The following SLC35F3 variants were observed in gnomAD, a reference collection of about 807,000 sequenced individuals.
SLC35F3 encodes the protein solute carrier family 35 member F3, also known as putative thiamine transporter SLC35F3.
Under a neutral mutation model 49.9 loss-of-function variants are expected in SLC35F3, and 25 were observed. That is an observed-to-expected ratio of 0.50 (90% confidence interval 0.37 to 0.70). The LOEUF is 0.70. SLC35F3 is among the 30% of genes least tolerant of loss of function. The probability of loss-of-function intolerance (pLI) is 0.00; values close to 1 mark genes in which losing one functional copy is unlikely to be tolerated. For missense variants in SLC35F3, 525 were observed against 639.8 expected, an observed-to-expected ratio of 0.82 and a Z score of 1.94; for synonymous variants, 275 against 265.4, an observed-to-expected ratio of 1.04 and a Z score of -0.35.
intron 2 of SLC35F3, among the ~76,000 whole-genome samples, chr1:233,941,963 T>G (rs112373668): frequency 0.073 from 6,755 of 92,250 alleles, 142 homozygotes; most frequent in South Asian, 0.094. Flanking sequence ...TGTTTTTTTG[T>G]TTTTTTTTTT....
chr1:233,940,610 G>A (rs1433809660), intron 2 of SLC35F3, among the ~76,000 whole-genome samples: 1 of 152,174 alleles, frequency 6.6e-6, no homozygotes, highest in African/African-American at 2.4e-5. Context: ...TGACAATACA[G>A]CAGTAAGGTA....
At chr1:234,160,919 G>A (rs1297591183) in intron 2 of SLC35F3, among the ~76,000 whole-genome samples, 2 of 152,130 alleles carry the variant, frequency 1.3e-5, no homozygotes, top group Non-Finnish European at 2.9e-5. Flanking sequence ...ATCTGTCTTT[G>A]TCAACAATGC....
intron 2 of SLC35F3, among the ~76,000 whole-genome samples, chr1:234,168,609 A>C (rs560222543): frequency 6.6e-6 from 1 of 152,348 alleles, no homozygotes; most frequent in Admixed American, 6.5e-5. Context: ...GCCTCTTGGC[A>C]TATGGAGCAC....
chr1:234,061,450 T>C (rs528854775), intron 2 of SLC35F3, among the ~76,000 whole-genome samples: 30 of 152,272 alleles, frequency 2.0e-4, no homozygotes, highest in East Asian at 1.9e-4. Context: ...TTTTGGTTGT[T>C]CTACTTGACG....
At chr1:234,014,733 T>C (rs1042079193) in intron 2 of SLC35F3, among the ~76,000 whole-genome samples, 26 of 152,002 alleles carry the variant, frequency 1.7e-4, no homozygotes, top group African/African-American at 6.0e-4. Context: ...TTACGCTAAC[T>C]AAAACAAAAT....
At chr1:233,991,386 A>C (rs1663351866) in intron 2 of SLC35F3, among the ~76,000 whole-genome samples, 1 of 152,046 alleles carries the variant, frequency 6.6e-6, no homozygotes, top group Non-Finnish European at 1.5e-5. Context: ...TTTGCTCTTC[A>C]TGTTGGGAAT....
At chr1:234,140,825 C>T (rs189624042) in intron 2 of SLC35F3, among the ~76,000 whole-genome samples, 1 of 152,146 alleles carries the variant, frequency 6.6e-6, no homozygotes, top group East Asian at 1.9e-4. Context: ...ATCTCACAGG[C>T]CTACCCTGGT....
At chr1:234,114,861 G>T (rs1452280906) in intron 2 of SLC35F3, among the ~76,000 whole-genome samples, 1 of 152,044 alleles carries the variant, frequency 6.6e-6, no homozygotes. Flanking sequence ...GAGATGCGGC[G>T]TGCATTTGAG....
chr1:234,032,732 A>T (rs1664082580), intron 2 of SLC35F3, among the ~76,000 whole-genome samples: 1 of 152,168 alleles, frequency 6.6e-6, no homozygotes, highest in Admixed American at 6.5e-5. Flanking sequence ...GGAATATTCC[A>T]TGGTATAAGT....
chr1:233,968,457 T>C (rs966282936), intron 2 of SLC35F3, among the ~76,000 whole-genome samples: 2 of 148,288 alleles, frequency 1.3e-5, no homozygotes, highest in African/African-American at 5.0e-5. Context: ...AGCATAGTAC[T>C]AAATAGGTAG....
chr1:234,211,950 G>C (rs184282871), intron 2 of SLC35F3, among the ~76,000 whole-genome samples: 6 of 152,312 alleles, frequency 3.9e-5, no homozygotes, highest in Admixed American at 3.3e-4. Flanking sequence ...GACCCACTGG[G>C]AGGTAATTGA....
At chr1:233,927,810 CTA>C (rs1233237653) in intron 2 of SLC35F3, among the ~76,000 whole-genome samples, 4 of 151,960 alleles carry the variant, frequency 2.6e-5, no homozygotes, top group African/African-American at 9.7e-5. Flanking sequence ...CTAAAGAAAA[CTA>C]TCATTTATGT....
At chr1:233,976,015 G>T (rs1469624840) in intron 2 of SLC35F3, among the ~76,000 whole-genome samples, 1 of 152,134 alleles carries the variant, frequency 6.6e-6, no homozygotes, top group African/African-American at 2.4e-5. Flanking sequence ...TGAAACGTAA[G>T]ATCATTACCC....
intron 2 of SLC35F3, among the ~76,000 whole-genome samples, chr1:234,194,134 A>T (rs12064348): frequency 0.11 from 12,136 of 111,516 alleles, 1,350 homozygotes; most frequent in African/African-American, 0.26. Flanking sequence ...AGAAGTCATT[A>T]TTAAAAAAAG....
At chr1:233,974,656 GGATT>G (rs953076869) in intron 2 of SLC35F3, among the ~76,000 whole-genome samples, 8 of 151,980 alleles carry the variant, frequency 5.3e-5, no homozygotes, top group African/African-American at 1.9e-4. Context: ...TCAACTCTTG[GGATT>G]GATTTTCATA....
intron 2 of SLC35F3, among the ~76,000 whole-genome samples, chr1:234,048,903 C>G (rs932300626): frequency 2.0e-5 from 3 of 152,186 alleles, no homozygotes; most frequent in Non-Finnish European, 4.4e-5. Flanking sequence ...TTCTATCTCT[C>G]TCTTTTGAAA....
chr1:233,996,456 G>A (rs1018622157), intron 2 of SLC35F3, among the ~76,000 whole-genome samples: 9 of 151,938 alleles, frequency 5.9e-5, no homozygotes, highest in Admixed American at 2.6e-4. Flanking sequence ...CCTAGTGCTC[G>A]GCCCACCAGG....
intron 3 of SLC35F3, among the ~76,000 whole-genome samples, chr1:234,263,098 A>G (rs959667156): frequency 1.3e-5 from 2 of 152,188 alleles, no homozygotes; most frequent in South Asian, 2.1e-4. Flanking sequence ...AGGAGTTGCT[A>G]TGTACCTCAG....
At chr1:234,111,184 T>C (rs1003614069) in intron 2 of SLC35F3, among the ~76,000 whole-genome samples, 2 of 152,134 alleles carry the variant, frequency 1.3e-5, no homozygotes, top group South Asian at 4.1e-4. Context: ...AAAAATAAAA[T>C]TTTAATTTAG....
Sources: gnomAD v4.1 joint callset for allele counts (sites outside exome capture counted in the v4.1 genomes callset) on GRCh38, gnomAD v4.1.1 for gene constraint, MANE v1.5 for transcripts, NCBI Gene and HGNC (gene_info 2026-07-23, HGNC 2026-07-21) for gene names.